Variants in CDK6 observed in about 807,000 individuals in gnomAD.
CDK6 encodes cyclin dependent kinase 6.
A neutral mutation model predicts 37.1 loss-of-function variants in CDK6; 6 were observed. That is an observed-to-expected ratio of 0.16 (90% CI 0.09 to 0.32). The LOEUF (loss-of-function observed/expected upper bound fraction) is 0.32, where lower values mean the gene tolerates loss of function less well. Ranked by LOEUF, CDK6 falls within the 10% of genes least tolerant of loss-of-function variation. The pLI, the probability that CDK6 is intolerant of heterozygous loss-of-function variation, is 1.00. For missense variants in CDK6, 224 were observed against 418.9 expected (o/e 0.53, Z 4.06); for synonymous variants, 160 against 161.3 (o/e 0.99, Z 0.06).
chr7:92,610,708 C>T lies in CDK6; in HGVS notation c.*4432G>A, dbSNP rs779844248. ...CTAAGGACTTACATTTCTTGGCACA[C>T]TTTGGTAGCCTCAATAAGTTTTTCC... On this transcript the variant is annotated 3_prime_UTR_variant, in exon 8 of 8. Transcript: ENST00000424848. 4.4e-6 allele frequency: 1 copy of T among 227,004 alleles called. No homozygotes were observed. The highest frequency in any genetic ancestry group is 1.3e-3 in the Middle Eastern group (1 of 742). 14.1% of individuals were successfully genotyped at this position (227,004 alleles called of 1,614,324 possible).
At position 92,691,721 on chromosome 7, in the gene CDK6, A is replaced by C. The variant is rs890194137; in HGVS notation, c.538-20186T>G. Among the ~76,000 whole-genome samples, 6 of 152,244 alleles carry C rather than the reference A, an allele frequency of 3.9e-5. No individual in the cohort carries two copies. The East Asian group carries it at 1.2e-3, about 29-fold the overall frequency. ...CACAGTTAGAGCCAGCAGAGGGAGT[A>C]AACCTCTTCAAAGAAAAGACTGAAG... On this transcript the variant is annotated intron_variant, in intron 4 of 7. Transcript: ENST00000424848.
chr7:92,764,955 C>T (rs1236538335), intron 3 of CDK6, among the ~76,000 whole-genome samples: 3 of 151,884 alleles, frequency 2.0e-5, no homozygotes, highest in African/African-American at 7.3e-5. Flanking sequence ...GTAGAATGGT[C>T]CTTTTTTTCA....
chr7:92,768,617 C>G (rs1189155602), intron 3 of CDK6, among the ~76,000 whole-genome samples: 1 of 152,074 alleles, frequency 6.6e-6, no homozygotes, highest in African/African-American at 2.4e-5. Context: ...AAAAAATTTC[C>G]TTCCAAGATC....
At chr7:92,618,340 A>T in intron 6 of CDK6, 133 bp from the exon 7 acceptor site, 1 of 771,160 alleles carries the variant, frequency 1.3e-6, no homozygotes, top group Non-Finnish European at 2.1e-6. Flanking sequence ...TCACTTTATC[A>T]CTGGCAGGGT....
Position 92,610,874 on chromosome 7 carries a change from A to T in CDK6, c.*4266T>A, listed in dbSNP as rs928885212. Reference sequence around the variant, plus strand: ...GGAAACACATGCCTTTTAAAAATTTATTTTTTCAATGAACGTTCTTAGGCA... The same window carrying T: ...GGAAACACATGCCTTTTAAAAATTTTTTTTTTCAATGAACGTTCTTAGGCA... On this transcript the variant is annotated 3_prime_UTR_variant, in exon 8 of 8. Coordinates refer to ENST00000424848, the MANE Select transcript of CDK6 (RefSeq NM_001145306.2). 3 of 228,294 alleles carry T rather than the reference A, an allele frequency of 1.3e-5. No individual in the cohort carries two copies. Among genetic ancestry groups the T allele is most frequent in the Non-Finnish European group, 2.6e-5 (3 of 115,106 alleles). 14.1% of individuals were successfully genotyped at this position (228,294 alleles called of 1,614,324 possible).
intron 2 of CDK6, among the ~76,000 whole-genome samples, chr7:92,801,321 T>G (rs1800568495): frequency 6.6e-6 from 1 of 152,224 alleles, no homozygotes; most frequent in Non-Finnish European, 1.5e-5. Context: ...GAGAATGGAA[T>G]ATTTCTGAAA....
rs71107866 is a variant in CDK6, at chr7:92,672,190, TACACACACACACAC to T, written c.538-669_538-656del. Reference sequence around the variant, plus strand: ...ATACACACACACACACACAGACACATACACACACACACACACACACACACACACACACACACACA... The same window carrying T: ...ATACACACACACACACACAGACACATACACACACACACACACACACACACA... On this transcript the variant is annotated intron_variant, in intron 4 of 7. Transcript: ENST00000424848. 1.9e-4 allele frequency among the ~76,000 whole-genome samples: 12 copies of T among 62,776 alleles called. 1 individual carries two copies. The highest frequency in any genetic ancestry group is 4.3e-4 in the Admixed American group (2 of 4,682). 41.2% of individuals were successfully genotyped at this position (62,776 alleles called of 152,430 possible). A position where few individuals can be genotyped will look rare whatever the true frequency, so the allele number is the denominator to read the frequency against.
At chr7:92,739,229 C>T (rs1798861720) in intron 3 of CDK6, among the ~76,000 whole-genome samples, 2 of 152,192 alleles carry the variant, frequency 1.3e-5, no homozygotes, top group South Asian at 2.1e-4. Flanking sequence ...GCCTCCACCC[C>T]TCATCTCCCA....
intron 3 of CDK6, among the ~76,000 whole-genome samples, chr7:92,767,465 TTTTA>T (rs1055575940): frequency 6.6e-6 from 1 of 152,176 alleles, no homozygotes; most frequent in African/African-American, 2.4e-5. Flanking sequence ...ACACTGAAGA[TTTTA>T]TTTCTCTCTA....
At chr7:92,655,886 TAC>T (rs903512429) in intron 5 of CDK6, among the ~76,000 whole-genome samples, 10 of 152,374 alleles carry the variant, frequency 6.6e-5, no homozygotes, top group African/African-American at 2.2e-4. Flanking sequence ...CATTTGCACA[TAC>T]ACACACGCTC....
intron 5 of CDK6, among the ~76,000 whole-genome samples, chr7:92,644,006 A>G (rs141896940): frequency 6.6e-6 from 1 of 152,332 alleles, no homozygotes; most frequent in Non-Finnish European, 1.5e-5. Flanking sequence ...AAACCAGGCC[A>G]AACTTGCTGT....
At chr7:92,741,040 G>A (rs529829509) in intron 3 of CDK6, among the ~76,000 whole-genome samples, 2 of 152,186 alleles carry the variant, frequency 1.3e-5, no homozygotes, top group Non-Finnish European at 2.9e-5. Flanking sequence ...AAGACATTCA[G>A]TGCTGTTTTG....
chr7:92,727,301 C>A (rs1331813575), intron 3 of CDK6, among the ~76,000 whole-genome samples: 1 of 152,160 alleles, frequency 6.6e-6, no homozygotes, highest in Non-Finnish European at 1.5e-5. Flanking sequence ...TTATCATTGG[C>A]CGGACCACTG....
chr7:92,633,506 A>G (rs867566993), intron 5 of CDK6, among the ~76,000 whole-genome samples: 1 of 152,228 alleles, frequency 6.6e-6, no homozygotes, highest in Middle Eastern at 3.4e-3. Flanking sequence ...CACAGACCTG[A>G]TTTCTGCATG....
chr7:92,621,808 C>T (rs1194532489), intron 6 of CDK6, among the ~76,000 whole-genome samples: 25 of 152,082 alleles, frequency 1.6e-4, no homozygotes, highest in Non-Finnish European at 2.9e-5. Flanking sequence ...CCAGGAAGCC[C>T]CCAGGCATAA....
At chr7:92,645,664 C>G (rs1311642196) in intron 5 of CDK6, among the ~76,000 whole-genome samples, 1 of 152,260 alleles carries the variant, frequency 6.6e-6, no homozygotes, top group Non-Finnish European at 1.5e-5. Flanking sequence ...CTGGGCAGCA[C>G]TGCTGCTCCT....
Position 92,668,687 on chromosome 7 carries a change from C to A in CDK6, c.647+2739G>T, listed in dbSNP as rs905788454. Among the ~76,000 whole-genome samples, 23 of 152,176 alleles carry A rather than the reference C, an allele frequency of 1.5e-4. 1 individual carries two copies. The highest frequency in any genetic ancestry group is 1.5e-5 in the Non-Finnish European group (1 of 68,020). On this transcript the variant is annotated intron_variant, in intron 5 of 7. Coordinates refer to ENST00000424848, the MANE Select transcript of CDK6 (RefSeq NM_001145306.2). ...TAAGAGCCTATGGCTTGTGAAGTCT[C>A]AACTGGGTCAATACTGAATCAGGAG...
intron 2 of CDK6, among the ~76,000 whole-genome samples, chr7:92,823,422 C>T (rs921290877): frequency 7.7e-6 from 1 of 129,534 alleles, no homozygotes; most frequent in Non-Finnish European, 1.6e-5. Context: ...TGTTACCACT[C>T]TTCTTTTGAG....
rs1040272068 is a variant in CDK6, at chr7:92,615,067, G to A, written c.*73C>T. Reference sequence around the variant, plus strand: ...ATAGCAATCCTCCACAGCTCTGTAGGGCTTGCTGAGGGGGACCCATAAGCC... The same window carrying A: ...ATAGCAATCCTCCACAGCTCTGTAGAGCTTGCTGAGGGGGACCCATAAGCC... On this transcript the variant is annotated 3_prime_UTR_variant, in exon 8 of 8. Coordinates refer to ENST00000424848, the MANE Select transcript of CDK6 (RefSeq NM_001145306.2). The A allele has an allele frequency of 6.6e-7, 1 of 1,525,236 alleles. No individual in the cohort carries two copies. Among genetic ancestry groups the A allele is most frequent in the Non-Finnish European group, 9.0e-7 (1 of 1,109,156 alleles). 94.5% of individuals were successfully genotyped at this position (1,525,236 alleles called of 1,614,324 possible). A position where few individuals can be genotyped will look rare whatever the true frequency, so the allele number is the denominator to read the frequency against.
Sources: gnomAD v4.1 joint callset for allele counts (sites outside exome capture counted in the v4.1 genomes callset) on GRCh38, gnomAD v4.1.1 for gene constraint, MANE v1.5 for transcripts, NCBI Gene and HGNC (gene_info 2026-07-23, HGNC 2026-07-21) for gene names.